Variants in HSF1 observed in about 807,000 individuals in gnomAD.
HSF1 encodes heat shock factor protein 1.
A neutral mutation model predicts 51.7 loss-of-function variants in HSF1; 32 were observed. The ratio of observed to expected loss-of-function variants is 0.62; its 90% confidence interval spans 0.47 to 0.83. The LOEUF (loss-of-function observed/expected upper bound fraction) is 0.83, where lower values mean the gene tolerates loss of function less well. Ranked by LOEUF, HSF1 falls within the 40% of genes least tolerant of loss-of-function variation. HSF1 has a pLI of 0.00. For missense variants in HSF1, 727 were observed against 717.0 expected, an observed-to-expected ratio of 1.01 and a Z score of -0.16; for synonymous variants, 396 against 309.7, an observed-to-expected ratio of 1.28 and a Z score of -2.92.
At chr8:144,293,645 AC>A in intron 1 of HSF1, 1 of 151,598 alleles carries the variant, frequency 6.6e-6, no homozygotes, top group African/African-American at 2.4e-5. Flanking sequence ...ACCACATTGG[AC>A]AGGCTGGTCT....
intron 4 of HSF1, 166 bp from the exon 5 acceptor site, chr8:144,311,008 G>A: frequency 1.5e-6 from 1 of 648,828 alleles, no homozygotes. Context: ...CCCTGGCCCT[G>A]GCCCCCAGTC....
chr8:144,313,507 C>T lies in HSF1; in HGVS notation c.1143-4C>T. 6.2e-7 allele frequency: 1 copy of T among 1,601,144 alleles called. No individual in the cohort carries two copies. Among genetic ancestry groups the T allele is most frequent in the East Asian group, 2.2e-5 (1 of 44,782 alleles). ...GGTTCAGGTACCGCCTTATCCCGGG[C>T]CAGGAATGAGCTCAGTGACCACTTG... is the stretch of plus-strand genomic sequence containing the variant. On this transcript the variant is annotated splice_polypyrimidine_tract_variant and splice_region_variant and intron_variant, in intron 9 of 12. Transcript: ENST00000528838.
Position 144,291,870 on chromosome 8 carries a change from GC to G in HSF1, c.116del (p.Pro39ArgfsTer81). The G allele has an allele frequency of 6.5e-7, 1 of 1,528,992 alleles. No homozygotes were observed. Among genetic ancestry groups the G allele is most frequent in the Non-Finnish European group, 8.8e-7 (1 of 1,142,048 alleles). 94.7% of individuals were successfully genotyped at this position (1,528,992 alleles called of 1,614,324 possible). A position where few individuals can be genotyped will look rare whatever the true frequency, so the allele number is the denominator to read the frequency against. On this transcript the variant is annotated frameshift_variant, in exon 1 of 13. Coordinates refer to ENST00000528838, the MANE Select transcript of HSF1 (RefSeq NM_005526.4). LOFTEE classifies it high-confidence loss of function. The surrounding 1 kb of genome is among the most constrained non-coding windows in gnomAD (Gnocchi z 4.1). ...GACACCGACGCGCTCATCTGCTGGA[GC>G]CCGGTGAGGGCAGCGCGCGGGCGCG... ...DPDTDALICW[S>X]PSGNSFHVFD...
intron 9 of HSF1, 143 bp downstream of exon 9, chr8:144,312,387 G>C: frequency 1.4e-6 from 1 of 719,370 alleles, no homozygotes; most frequent in Non-Finnish European, 2.3e-6. Context: ...GGCTGGGGAG[G>C]GAGACAGGTG....
rs781977840 is a variant in HSF1 at position 144,314,001 on chromosome 8, C to G, written c.1331C>G (p.Ser444Cys). Residue 444 changes from serine (S) to cysteine (C), a missense_variant, in exon 12 of 13, where the codon TCT (serine) becomes TGT (cysteine). Physicochemically the swap from Ser to Cys is moderately radical, Grantham distance 112 (BLOSUM62 -1). Around this residue, in one of 2 missense-constraint regions of HSF1, gnomAD observed 470 missense variants for 398.8 expected, o/e 1.18. Transcript: ENST00000528838. Reference protein sequence around the residue: ...SSLASIQELLSPQEPPRPPEA... With the variant: ...SSLASIQELLCPQEPPRPPEA... ...ACCCCACAGATCCAAGAGCTCCTGT[C>G]TCCCCAGGAGCCCCCCAGGCCTCCC... 1 of 1,611,428 alleles carries G rather than the reference C, an allele frequency of 6.2e-7. No individual in the cohort carries two copies. The highest frequency in any genetic ancestry group is 8.5e-7 in the Non-Finnish European group (1 of 1,179,526).
intron 4 of HSF1, chr8:144,310,709 C>T (rs1226353686): frequency 5.2e-6 from 1 of 191,026 alleles, no homozygotes; most frequent in African/African-American, 2.3e-5. Context: ...CTGGGGACAG[C>T]TCTTCCCCAC....
chr8:144,311,556 C>T lies in HSF1; in HGVS notation c.678C>T (p.Ser226=), dbSNP rs1554844520. 1 of 1,613,778 alleles carries T rather than the reference C, an allele frequency of 6.2e-7. No homozygotes were observed. Among genetic ancestry groups the T allele is most frequent in the East Asian group, 2.2e-5 (1 of 44,886 alleles). Residue 226 remains serine (S), a synonymous_variant, in exon 7 of 13, where the codon AGC becomes AGT. Coordinates refer to ENST00000528838, the MANE Select transcript of HSF1 (RefSeq NM_005526.4). ...CAGCACATTCCATGCCCAAGTATAG[C>T]CGGCAGTTCTCCCTGGAGCACGTCC... The part of the protein sequence containing the change: ...SGSAHSMPKY[S]RQFSLEHVHG...
At chr8:144,295,270 G>A (rs370249021) in intron 1 of HSF1, among the ~76,000 whole-genome samples, 1 of 152,256 alleles carries the variant, frequency 6.6e-6, no homozygotes, top group Non-Finnish European at 1.5e-5. Flanking sequence ...TGAAGCCTCA[G>A]AACTGGGTTC....
At position 144,314,017 on chromosome 8, in the gene HSF1, C is replaced by T. The variant is rs782540099; in HGVS notation, c.1347C>T (p.Pro449=). The part of the protein sequence containing the change: ...IQELLSPQEP[P]RPPEAENSSP... ...AGCTCCTGTCTCCCCAGGAGCCCCC[C>T]AGGCCTCCCGAGGCAGAGAACAGCA... The change falls in exon 12 of 13, where the codon CCC becomes CCT. Residue 449 remains proline, a synonymous_variant. Coordinates refer to ENST00000528838, the MANE Select transcript of HSF1 (RefSeq NM_005526.4). 1 of 1,611,186 alleles carries T rather than the reference C, an allele frequency of 6.2e-7. No individual in the cohort carries two copies. The highest frequency in any genetic ancestry group is 8.5e-7 in the Non-Finnish European group (1 of 1,179,526).
At chr8:144,308,763 C>T (rs1816397893) in intron 1 of HSF1, 143 bp from the exon 2 acceptor site, 2 of 681,296 alleles carry the variant, frequency 2.9e-6, no homozygotes, top group Non-Finnish European at 5.3e-6. Flanking sequence ...CTCCCGCCAG[C>T]CCCCTGGGCC....
rs1490070553 is a variant in HSF1 at position 144,312,087 on chromosome 8, G to A, written c.985G>A (p.Ala329Thr). 8.7e-6 allele frequency: 14 copies of A among 1,612,190 alleles called. No homozygotes were observed. The highest frequency in any genetic ancestry group is 5.5e-5 in the South Asian group (5 of 91,080). ...SSVDTLLSPT[A>T]LIDSILRESE... ...CGTGGACACCCTCTTGTCCCCGACC[G>A]CCCTCATTGACTCCATCCTGCGGGA... The change falls in exon 9 of 13, where the codon GCC becomes ACC. Residue 329 changes from alanine (A) to threonine (T), a missense_variant. By Grantham distance (58) the Ala-to-Thr change is moderately conservative (BLOSUM62 0). This residue lies in a region of HSF1 where 470 missense variants were observed against 398.8 expected (regional missense o/e 1.18). Transcript: ENST00000528838.
Position 144,312,153 on chromosome 8 carries a change from G to T in HSF1, c.1051G>T (p.Ala351Ser). ...CGCCTCCGTCACAGCCCTCACGGAC[G>T]CCAGGGGCCACACGGACACCGAGGG... ...APASVTALTD[A>S]RGHTDTEGRP... Residue 351 changes from alanine (A) to serine (S), a missense_variant, in exon 9 of 13, where the codon GCC becomes TCC. Physicochemically the swap from Ala to Ser is moderately conservative, Grantham distance 99. This residue lies in a region of HSF1 where 470 missense variants were observed against 398.8 expected (regional missense o/e 1.18). Coordinates refer to ENST00000528838, the MANE Select transcript of HSF1 (RefSeq NM_005526.4). The T allele has an allele frequency of 2.5e-6, 4 of 1,611,142 alleles. No individual in the cohort carries two copies. The highest frequency in any genetic ancestry group is 2.5e-6 in the Non-Finnish European group (3 of 1,179,372).
chr8:144,306,781 A>C (rs1299881038), intron 1 of HSF1, among the ~76,000 whole-genome samples: 1 of 152,204 alleles, frequency 6.6e-6, no homozygotes, highest in Non-Finnish European at 1.5e-5. Flanking sequence ...GCTTTTCGGC[A>C]CTAATTCTGT....
intron 1 of HSF1, among the ~76,000 whole-genome samples, chr8:144,304,091 T>A (rs1554842857): frequency 6.6e-6 from 1 of 152,110 alleles, no homozygotes; most frequent in Admixed American, 6.6e-5. Flanking sequence ...GATGTGAAAC[T>A]CTGGTGGTCT....
At chr8:144,294,079 G>A (rs1554840897) in intron 1 of HSF1, among the ~76,000 whole-genome samples, 1 of 152,078 alleles carries the variant, frequency 6.6e-6, no homozygotes, top group African/African-American at 2.4e-5. Flanking sequence ...ACTGGAATGT[G>A]AGTGTTTGGT....
intron 9 of HSF1, 178 bp from the exon 10 acceptor site, chr8:144,313,333 C>T: frequency 5.2e-6 from 3 of 579,566 alleles, no homozygotes; most frequent in Non-Finnish European, 9.3e-6. Flanking sequence ...CCCTGCAGGG[C>T]ACAGAGCCTC....
intron 9 of HSF1, chr8:144,312,721 G>A (rs1269623013): frequency 1.3e-6 from 2 of 1,534,418 alleles, no homozygotes; most frequent in Non-Finnish European, 1.7e-6. Flanking sequence ...GGTTAGCGCT[G>A]ACCCCACTGG....
chr8:144,314,384 G>C lies in HSF1; in HGVS notation c.*54G>C, dbSNP rs1302742822. The C allele has an allele frequency of 2.7e-6, 4 of 1,471,448 alleles. No homozygotes were observed. The highest frequency in any genetic ancestry group is 3.7e-6 in the Non-Finnish European group (4 of 1,082,462). 91.1% of individuals were successfully genotyped at this position (1,471,448 alleles called of 1,614,324 possible). On this transcript the variant is annotated 3_prime_UTR_variant, in exon 13 of 13. Transcript: ENST00000528838. ...CACCCCCACCCCCAGTGCAGGGCTG[G>C]TCTTGGGGAGGCAGGGCAGCCTCGC...
intron 1 of HSF1, among the ~76,000 whole-genome samples, chr8:144,299,234 G>C (rs1246712518): frequency 6.6e-6 from 1 of 151,976 alleles, no homozygotes; most frequent in Non-Finnish European, 1.5e-5. Flanking sequence ...CTGAGGTCAG[G>C]AGTTCAAGAC....
Sources: gnomAD v4.1 joint callset for allele counts (sites outside exome capture counted in the v4.1 genomes callset) on GRCh38, gnomAD v4.1.1 for gene constraint, gnomAD v4.1.1 regional missense constraint, Gnocchi (gnomAD v3.1) non-coding constraint, MANE v1.5 for transcripts, NCBI Gene and HGNC (gene_info 2026-07-23, HGNC 2026-07-21) for gene names.